TRAK2: variants seen among roughly 807,000 people sequenced by gnomAD.
The protein encoded by TRAK2 is trafficking kinesin protein 2.
In TRAK2, 81 loss-of-function variants were observed where a neutral mutation model predicts 104.6. The ratio of observed to expected loss-of-function variants is 0.77; its 90% CI spans 0.65 to 0.93. The LOEUF is 0.93. TRAK2 is among the 40% of genes least tolerant of loss of function. The pLI is 0.00. For missense variants in TRAK2, 1,002 were observed against 1,089.0 expected, an observed-to-expected ratio of 0.92 and a Z score of 1.12; for synonymous variants, 406 against 394.4, an observed-to-expected ratio of 1.03 and a Z score of -0.35.
intron 1 of TRAK2, among the ~76,000 whole-genome samples, chr2:201,424,648 G>T (rs569746790): frequency 1.5e-4 from 23 of 151,662 alleles, no homozygotes; most frequent in Non-Finnish European, 2.9e-4. Context: ...TTTCGCCCAG[G>T]CCGGACTGCA....
At chr2:201,417,241 C>CAAAAAAAAAAAAAAAAGAAAAAAAAAA (rs1951700395) in intron 2 of TRAK2, among the ~76,000 whole-genome samples, 2 of 88,432 alleles carry the variant, frequency 2.3e-5, no homozygotes, top group Non-Finnish European at 4.3e-5. Context: ...GAAGACATTG[C>CAAAAAAAAAAAAAAAAGAAAAAAAAAA]AAAAAAAAAA....
intron 2 of TRAK2, among the ~76,000 whole-genome samples, chr2:201,414,135 T>C (rs978798624): frequency 2.0e-5 from 3 of 152,126 alleles, no homozygotes; most frequent in Non-Finnish European, 4.4e-5. Context: ...ACTATTTACA[T>C]CACTACTCTC....
At chr2:201,407,675 A>C in intron 2 of TRAK2, 78 bp from the exon 3 acceptor site, 1 of 1,340,544 alleles carries the variant, frequency 7.5e-7, no homozygotes, top group African/African-American at 1.5e-5. Flanking sequence ...GATGAAAATT[A>C]GTTTTTCTAA....
intron 13 of TRAK2, among the ~76,000 whole-genome samples, 192 bp from the exon 14 acceptor site, chr2:201,386,676 C>T (rs1029439565): frequency 2.6e-5 from 4 of 151,990 alleles, no homozygotes; most frequent in Non-Finnish European, 5.9e-5. Context: ...AGGTATGAGT[C>T]ATAATCTGTT....
At chr2:201,400,074 T>C (rs1262039479) in intron 4 of TRAK2, among the ~76,000 whole-genome samples, 1 of 152,008 alleles carries the variant, frequency 6.6e-6, no homozygotes, top group East Asian at 1.9e-4. Context: ...GATAAAAGAC[T>C]GGAAATTTTG....
chr2:201,386,358 G>C lies in TRAK2; in HGVS notation c.1823C>G (p.Ser608Ter). 1.2e-6 allele frequency: 2 copies of C among 1,614,136 alleles called. No homozygotes were observed. The highest frequency in any genetic ancestry group is 1.7e-6 in the Non-Finnish European group (2 of 1,180,012). ...QLPGDAIYHI[S>*]DLEEDEEEGI... Reference sequence around the variant, plus strand: ...CTCCTCTTCATCCTCTTCTAAATCTGAGATGTGATAAATAGCATCCCCGGG... The same window carrying C: ...CTCCTCTTCATCCTCTTCTAAATCTCAGATGTGATAAATAGCATCCCCGGG... Residue 608 changes from serine (S) to a stop codon, truncating the protein, a stop_gained, in exon 14 of 16, where the codon TCA becomes TGA. Transcript: ENST00000332624. LOFTEE classifies it high-confidence loss of function.
intron 1 of TRAK2, among the ~76,000 whole-genome samples, chr2:201,432,952 T>C (rs1576535222): frequency 2.6e-5 from 4 of 152,234 alleles, no homozygotes; most frequent in East Asian, 1.9e-4. Flanking sequence ...AATTCAGCAA[T>C]AGCTCTCTTA....
chr2:201,382,829 G>T (rs1951355956), intron 15 of TRAK2, among the ~76,000 whole-genome samples: 1 of 152,104 alleles, frequency 6.6e-6, no homozygotes, highest in South Asian at 2.1e-4. Context: ...TCAAATACAT[G>T]GCTAACCTTA....
At chr2:201,396,622 A>G (rs940305316) in intron 7 of TRAK2, among the ~76,000 whole-genome samples, 3 of 152,190 alleles carry the variant, frequency 2.0e-5, no homozygotes, top group Non-Finnish European at 4.4e-5. Flanking sequence ...TTATAACAAT[A>G]TATCAGCACA....
chr2:201,386,333 C>G lies in TRAK2; in HGVS notation c.1848G>C (p.Glu616Asp). The G allele has an allele frequency of 6.2e-7, 1 of 1,614,136 alleles. No homozygotes were observed. The highest frequency in any genetic ancestry group is 8.5e-7 in the Non-Finnish European group (1 of 1,180,022). ...GTTGCTGAACCTGAAAAGTAATACC[C>G]TCCTCTTCATCCTCTTCTAAATCTG... is the stretch of plus-strand genomic sequence containing the variant. ...HISDLEEDEE[E>D]GITFQVQQPL... is the part of the protein sequence containing the mutation. Residue 616 changes from glutamate to aspartate, a missense_variant, in exon 14 of 16, where the codon GAG (glutamate) becomes GAC (aspartate). By Grantham distance (45) the Glu-to-Asp change is conservative (BLOSUM62 2). Coordinates refer to ENST00000332624, the MANE Select transcript of TRAK2 (RefSeq NM_015049.3).
intron 1 of TRAK2, among the ~76,000 whole-genome samples, chr2:201,437,214 T>G (rs1951885581): frequency 6.6e-6 from 1 of 152,182 alleles, no homozygotes; most frequent in Non-Finnish European, 1.5e-5. Context: ...GTTATTAGAT[T>G]CAGAGCTTGA....
In TRAK2 at chr2:201,442,047, G is replaced by A. The variant is rs1366429101; in HGVS notation, c.-200+9303C>T. Among the ~76,000 whole-genome samples, 5 of 151,556 alleles carry A rather than the reference G, an allele frequency of 3.3e-5. No homozygotes were observed. The South Asian group carries it at 8.4e-4, about 25-fold the overall frequency. Reference sequence around the variant, plus strand: ...TCCTTTTGTTTCAACTTACACCACTGGCCTGAATAACCCCAAAGAGAGGTA... The same window carrying A: ...TCCTTTTGTTTCAACTTACACCACTAGCCTGAATAACCCCAAAGAGAGGTA... On this transcript the variant is annotated intron_variant, in intron 1 of 15. Coordinates refer to ENST00000332624, the MANE Select transcript of TRAK2 (RefSeq NM_015049.3).
intron 1 of TRAK2, among the ~76,000 whole-genome samples, chr2:201,424,136 A>G (rs937351689): frequency 6.6e-6 from 1 of 152,240 alleles, no homozygotes; most frequent in Non-Finnish European, 1.5e-5. Context: ...TCAAACCAAT[A>G]AAGAGTCACA....
intron 3 of TRAK2, among the ~76,000 whole-genome samples, chr2:201,402,529 G>T (rs956775499): frequency 2.0e-5 from 3 of 152,016 alleles, no homozygotes; most frequent in African/African-American, 4.8e-5. Context: ...TACTCCAAAA[G>T]AATTTATATT....
At chr2:201,443,988 T>C (rs1300973766) in intron 1 of TRAK2, among the ~76,000 whole-genome samples, 1 of 151,864 alleles carries the variant, frequency 6.6e-6, no homozygotes, top group Non-Finnish European at 1.5e-5. Context: ...ATCACTTGAG[T>C]TCAGGAGTTC....
At position 201,392,909 on chromosome 2, in the gene TRAK2, C is replaced by T. The variant is rs780923503; in HGVS notation, c.1113G>A (p.Gly371=). The T allele has an allele frequency of 1.9e-6, 3 of 1,607,788 alleles. No individual in the cohort carries two copies. The highest frequency in any genetic ancestry group is 2.2e-5 in the South Asian group (2 of 90,256). Residue 371 remains glycine (G), a splice_region_variant and synonymous_variant, in exon 10 of 16, where the codon GGG becomes GGA. Transcript: ENST00000332624. ...YFSQSYGAFT[G]ESLAAEIEGT... ...CATAGCATCTTTCTTAGTTGCTTAC[C>T]CCAGTAAAAGCTCCATATGATTGGG...
At chr2:201,403,704 G>A (rs998575788) in intron 3 of TRAK2, among the ~76,000 whole-genome samples, 4 of 147,884 alleles carry the variant, frequency 2.7e-5, no homozygotes, top group African/African-American at 1.0e-4. Flanking sequence ...TCTTTTCAGC[G>A]TTTTGCCAGT....
In TRAK2 at chr2:201,404,311, T is replaced by G. The variant is rs1176311638; in HGVS notation, c.286+3092A>C. On this transcript the variant is annotated intron_variant, in intron 3 of 15. Transcript: ENST00000332624. The stretch of plus-strand genomic sequence containing the variant: ...GAAAATATGTTAAATGATACAGAAA[T>G]TAGCAATGATCCTTGCTTATTTCCA... Among the ~76,000 whole-genome samples the G allele has an allele frequency of 2.6e-5, 4 of 152,318 alleles. No homozygotes were observed. In the South Asian group the frequency reaches 8.3e-4, roughly 32 times the overall value.
chr2:201,412,003 G>T lies in TRAK2; in HGVS notation c.92-4406C>A, dbSNP rs541250133. 792 of 983,912 alleles carry T rather than the reference G, an allele frequency of 8.0e-4. 10 individuals carry two copies. The South Asian group carries it at 9.8e-3, about 12-fold the overall frequency. 60.9% of individuals were successfully genotyped at this position (983,912 alleles called of 1,614,324 possible). On this transcript the variant is annotated intron_variant, in intron 2 of 15. Coordinates refer to ENST00000332624, the MANE Select transcript of TRAK2 (RefSeq NM_015049.3). ...CACTGTTCTTTATCTCATTGGGAGG[G>T]GTTTTGGTTAGTAGCAAATCCATTT...
Sources: gnomAD v4.1 joint callset for allele counts (sites outside exome capture counted in the v4.1 genomes callset) on GRCh38, gnomAD v4.1.1 for gene constraint, MANE v1.5 for transcripts, NCBI Gene and HGNC (gene_info 2026-07-23, HGNC 2026-07-21) for gene names.